The following TMEM108 variants were observed in gnomAD, a reference collection of about 807,000 sequenced individuals.
TMEM108 encodes cancer/testis antigen 124.
A neutral mutation model predicts 35.1 loss-of-function variants in TMEM108; 12 were observed. That is an observed-to-expected ratio of 0.34 (90% CI 0.22 to 0.55). The LOEUF (loss-of-function observed/expected upper bound fraction) is 0.55, where lower values mean the gene tolerates loss of function less well. Ranked by LOEUF, TMEM108 falls within the 20% of genes least tolerant of loss-of-function variation. The pLI is 0.89. For missense variants in TMEM108, 680 were observed against 753.3 expected (o/e 0.90, Z 1.14); for synonymous variants, 287 against 308.6 (o/e 0.93, Z 0.73).
chr3:133,177,716 G>T (rs1345689897), intron 2 of TMEM108, among the ~76,000 whole-genome samples: 1 of 152,080 alleles, frequency 6.6e-6, no homozygotes, highest in Non-Finnish European at 1.5e-5. Context: ...ATACTGAATG[G>T]GCAAAAACTG....
intron 3 of TMEM108, among the ~76,000 whole-genome samples, chr3:133,374,069 C>A (rs879597079): frequency 6.6e-6 from 1 of 152,184 alleles, no homozygotes; most frequent in Non-Finnish European, 1.5e-5. Context: ...GGAGTTCTTA[C>A]GGGGGGCCAA....
chr3:133,360,358 T>C (rs1336063381), intron 3 of TMEM108, among the ~76,000 whole-genome samples: 1 of 152,150 alleles, frequency 6.6e-6, no homozygotes, highest in East Asian at 1.9e-4. Flanking sequence ...CATACCTCAA[T>C]AAAGTTAATT....
chr3:133,059,056 C>T (rs1277134658), intron 2 of TMEM108, among the ~76,000 whole-genome samples: 3 of 152,206 alleles, frequency 2.0e-5, no homozygotes, highest in African/African-American at 4.8e-5. Context: ...TTGCAGACTG[C>T]CAGCTTCTCA....
chr3:133,087,722 G>A (rs931143484), intron 2 of TMEM108, among the ~76,000 whole-genome samples: 6 of 152,090 alleles, frequency 3.9e-5, no homozygotes, highest in Admixed American at 6.6e-5. Flanking sequence ...ACAGGGCTTC[G>A]GGTATCTTGA....
At chr3:133,337,635 C>A (rs1227938637) in intron 3 of TMEM108, among the ~76,000 whole-genome samples, 1 of 152,042 alleles carries the variant, frequency 6.6e-6, no homozygotes, top group Non-Finnish European at 1.5e-5. Flanking sequence ...TTCTTTAATG[C>A]CCAGACGTCG....
chr3:133,174,394 GA>G (rs955643375), intron 2 of TMEM108, among the ~76,000 whole-genome samples: 1 of 152,184 alleles, frequency 6.6e-6, no homozygotes, highest in Non-Finnish European at 1.5e-5. Flanking sequence ...GTGGGTCCCT[GA>G]CCCCCGAGTA....
At chr3:133,132,001 ACT>A (rs1944497464) in intron 2 of TMEM108, among the ~76,000 whole-genome samples, 2 of 152,124 alleles carry the variant, frequency 1.3e-5, no homozygotes. Flanking sequence ...TAAGGTACTA[ACT>A]CTTTTCAACT....
At chr3:133,042,366 C>A (rs1398447107) in intron 1 of TMEM108, among the ~76,000 whole-genome samples, 3 of 152,100 alleles carry the variant, frequency 2.0e-5, no homozygotes, top group African/African-American at 7.2e-5. Context: ...TACTAAAATC[C>A]TGCTTGTGCT....
rs184721816 is a variant in TMEM108, at chr3:133,342,615, C to T, written c.41-37137C>T. ...TAAAAAATGAAAATTCATGGCAACA[C>T]AAATAAGCCTAGAGGACATTATGTA... On this transcript the variant is annotated intron_variant, in intron 3 of 5. Transcript: ENST00000321871. 3.4e-3 allele frequency among the ~76,000 whole-genome samples: 479 copies of T among 139,182 alleles called. 2 individuals are homozygous for T. The highest frequency in any genetic ancestry group is 0.012 in the African/African-American group (445 of 37,234). 91.3% of individuals were successfully genotyped at this position (139,182 alleles called of 152,430 possible). A position where few individuals can be genotyped will look rare whatever the true frequency, so the allele number is the denominator to read the frequency against.
chr3:133,195,783 A>G (rs1330749002), intron 2 of TMEM108, among the ~76,000 whole-genome samples: 1 of 152,216 alleles, frequency 6.6e-6, no homozygotes. Context: ...AGAGTTGCTA[A>G]TAAAGTGGGA....
chr3:133,043,170 A>T (rs141560610), intron 1 of TMEM108, among the ~76,000 whole-genome samples: 1 of 152,216 alleles, frequency 6.6e-6, no homozygotes, highest in African/African-American at 2.4e-5. Context: ...GGACTCCCCA[A>T]CATCTCTCTG....
At chr3:133,326,057 A>G (rs944975940) in intron 3 of TMEM108, among the ~76,000 whole-genome samples, 2 of 152,218 alleles carry the variant, frequency 1.3e-5, no homozygotes, top group Admixed American at 1.3e-4. Context: ...GAGGGTGGTT[A>G]TACTTTTATT....
rs376795745 is a variant in TMEM108 at position 133,380,205 on chromosome 3, C to T, written c.494C>T (p.Pro165Leu). ...TAPPRTTTRR[P>L]PRPPGSSRKG... ...CCCCCCCGCACTACCACACGCAGGC[C>T]CCCCAGGCCCCCAGGCTCTTCCCGA... Residue 165 changes from proline to leucine, a missense_variant, in exon 4 of 6, where the codon CCC becomes CTC. Coordinates refer to ENST00000321871, the MANE Select transcript of TMEM108 (RefSeq NM_023943.4). The surrounding 1 kb of genome is among the most constrained non-coding windows in gnomAD (Gnocchi z 5.3). The T allele has an allele frequency of 1.3e-5, 21 of 1,610,988 alleles. No homozygotes were observed. The highest frequency in any genetic ancestry group is 2.5e-6 in the Non-Finnish European group (3 of 1,178,432).
At chr3:133,144,591 A>G (rs764887240) in intron 2 of TMEM108, among the ~76,000 whole-genome samples, 5 of 152,236 alleles carry the variant, frequency 3.3e-5, no homozygotes, top group South Asian at 4.1e-4. Context: ...TCCTACCAAC[A>G]GTGTAAAAGT....
intron 2 of TMEM108, among the ~76,000 whole-genome samples, chr3:133,162,665 G>C (rs895857832): frequency 1.3e-5 from 2 of 152,188 alleles, no homozygotes; most frequent in Non-Finnish European, 2.9e-5. Context: ...GGTCTTTACT[G>C]TGCAAAATAT....
intron 3 of TMEM108, among the ~76,000 whole-genome samples, chr3:133,323,400 C>G (rs2071290641): frequency 6.6e-6 from 1 of 152,068 alleles, no homozygotes; most frequent in Non-Finnish European, 1.5e-5. Flanking sequence ...AGCTGAGAAT[C>G]AAATCAAGAA....
chr3:133,179,714 A>T (rs1945301188), intron 2 of TMEM108, among the ~76,000 whole-genome samples: 1 of 152,090 alleles, frequency 6.6e-6, no homozygotes. Context: ...TTAAATGATG[A>T]GTTACTGGGT....
chr3:133,332,243 G>A (rs2071404851), intron 3 of TMEM108, among the ~76,000 whole-genome samples: 2 of 152,196 alleles, frequency 1.3e-5, no homozygotes, highest in Admixed American at 6.5e-5. Flanking sequence ...AAATGGTACA[G>A]TGAATCTCCA....
At chr3:133,234,283 T>G (rs968766289) in intron 3 of TMEM108, among the ~76,000 whole-genome samples, 1 of 152,160 alleles carries the variant, frequency 6.6e-6, no homozygotes, top group Non-Finnish European at 1.5e-5. Flanking sequence ...CCCAGCACCA[T>G]TTATTAAATA....
Sources: gnomAD v4.1 joint callset for allele counts (sites outside exome capture counted in the v4.1 genomes callset) on GRCh38, gnomAD v4.1.1 for gene constraint, Gnocchi (gnomAD v3.1) non-coding constraint, MANE v1.5 for transcripts, NCBI Gene and HGNC (gene_info 2026-07-23, HGNC 2026-07-21) for gene names.